GRID2: variants seen among roughly 807,000 people sequenced by gnomAD.
The protein encoded by GRID2 is glutamate receptor ionotropic, delta-2.
GRID2 carries 33 observed loss-of-function variants against 114.8 expected under a neutral mutation model. That is an observed-to-expected ratio of 0.29 (90% CI 0.22 to 0.38). The LOEUF (loss-of-function observed/expected upper bound fraction) is 0.38. GRID2 is among the 10% of genes least tolerant of loss of function. The pLI is 1.00. For missense variants in GRID2, 1,184 were observed against 1,257.7 expected (o/e 0.94, Z 0.89); for synonymous variants, 505 against 449.9 (o/e 1.12, Z -1.55).
chr4:92,500,489 G>GT (rs1723629391), intron 1 of GRID2, among the ~76,000 whole-genome samples: 1 of 152,048 alleles, frequency 6.6e-6, no homozygotes, highest in African/African-American at 2.4e-5. Context: ...TTCCCTTGTT[G>GT]TTTATTCAGG....
intron 2 of GRID2, among the ~76,000 whole-genome samples, chr4:93,035,117 T>C (rs1724809856): frequency 6.6e-6 from 1 of 151,192 alleles, no homozygotes; most frequent in Non-Finnish European, 1.5e-5. Context: ...TTTTTTTTTT[T>C]TTTTCTGAGG....
chr4:92,736,674 T>G (rs1315989331), intron 2 of GRID2, among the ~76,000 whole-genome samples: 1 of 152,120 alleles, frequency 6.6e-6, no homozygotes, highest in Non-Finnish European at 1.5e-5. Context: ...TCTCTCCATC[T>G]TAGACAACAA....
intron 2 of GRID2, among the ~76,000 whole-genome samples, chr4:92,973,598 A>T (rs1313702235): frequency 6.6e-6 from 1 of 152,180 alleles, no homozygotes; most frequent in Non-Finnish European, 1.5e-5. Context: ...GAACAAGTGT[A>T]GGAAGATTAA....
At chr4:93,506,233 G>A (rs1728614197) in intron 12 of GRID2, among the ~76,000 whole-genome samples, 1 of 152,154 alleles carries the variant, frequency 6.6e-6, no homozygotes, top group Non-Finnish European at 1.5e-5. Context: ...GGGTAGGGCT[G>A]ACCCAGAATA....
chr4:92,944,916 T>C (rs1263473263), intron 2 of GRID2, among the ~76,000 whole-genome samples: 1 of 152,214 alleles, frequency 6.6e-6, no homozygotes, highest in Non-Finnish European at 1.5e-5. Context: ...AGAACAGTTA[T>C]GCATGGGATA....
At chr4:92,864,766 A>G (rs574507081) in intron 2 of GRID2, among the ~76,000 whole-genome samples, 2 of 152,332 alleles carry the variant, frequency 1.3e-5, no homozygotes, top group South Asian at 2.1e-4. Flanking sequence ...CAGGGACACC[A>G]TAGACTACTG....
chr4:93,532,381 G>A (rs776010266), intron 13 of GRID2, among the ~76,000 whole-genome samples: 7 of 152,122 alleles, frequency 4.6e-5, no homozygotes, highest in Non-Finnish European at 7.4e-5. Context: ...CCAACAATAT[G>A]CTTTCATTTA....
At chr4:92,806,166 GACAC>G (rs56070810) in intron 2 of GRID2, among the ~76,000 whole-genome samples, 9,928 of 133,180 alleles carry the variant, frequency 0.075, 381 homozygotes, top group East Asian at 0.12. Flanking sequence ...ATAGGCTATC[GACAC>G]ACACACACAC....
At chr4:92,990,828 A>C (rs1484571297) in intron 2 of GRID2, among the ~76,000 whole-genome samples, 1 of 152,166 alleles carries the variant, frequency 6.6e-6, no homozygotes, top group Non-Finnish European at 1.5e-5. Context: ...CACAATTTCC[A>C]TTGCCCTCTA....
intron 1 of GRID2, among the ~76,000 whole-genome samples, chr4:93,789,029 T>C (rs897057939): frequency 1.4e-4 from 22 of 152,286 alleles, no homozygotes; most frequent in African/African-American, 5.3e-4. Context: ...AGAGAAATAA[T>C]CTCTTTTCTC....
At chr4:93,217,127 A>G (rs1472632453) in intron 6 of GRID2, 1 of 377,470 alleles carries the variant, frequency 2.6e-6, no homozygotes, top group Non-Finnish European at 4.8e-6. Context: ...GCTTAATAAA[A>G]AAATATAATA....
At chr4:92,913,034 G>A (rs1748504464) in intron 2 of GRID2, among the ~76,000 whole-genome samples, 1 of 151,570 alleles carries the variant, frequency 6.6e-6, no homozygotes, top group South Asian at 2.1e-4. Flanking sequence ...TTATTAAAGA[G>A]GATAACTTTG....
chr4:93,372,102 A>G (rs1762989100), intron 8 of GRID2, among the ~76,000 whole-genome samples: 2 of 152,182 alleles, frequency 1.3e-5, no homozygotes, highest in African/African-American at 2.4e-5. Context: ...TTTGATGTAG[A>G]TGTAAGAATA....
At chr4:92,568,908 C>A (rs1293063355) in intron 1 of GRID2, among the ~76,000 whole-genome samples, 2 of 152,104 alleles carry the variant, frequency 1.3e-5, no homozygotes, top group African/African-American at 4.8e-5. Flanking sequence ...TGATCTTGTT[C>A]TTTATTATGG....
intron 1 of GRID2, among the ~76,000 whole-genome samples, chr4:92,467,273 G>A (rs946640561): frequency 2.3e-4 from 35 of 152,028 alleles, no homozygotes; most frequent in African/African-American, 7.2e-4. Flanking sequence ...ACTGGGTTAT[G>A]TAGAAGTGTA....
chr4:93,184,233 C>A (rs1285963285), intron 4 of GRID2, among the ~76,000 whole-genome samples: 1 of 151,992 alleles, frequency 6.6e-6, no homozygotes, highest in Admixed American at 6.6e-5. Context: ...CATTTAGTTG[C>A]CAAATAAATG....
chr4:93,453,357 A>AGAGTGT (rs1477147400), intron 10 of GRID2, among the ~76,000 whole-genome samples: 8 of 116,426 alleles, frequency 6.9e-5, no homozygotes, highest in Non-Finnish European at 1.5e-4. Context: ...AGAGAGAGAG[A>AGAGTGT]GAGTGTGTGT....
intron 14 of GRID2, among the ~76,000 whole-genome samples, chr4:93,739,801 C>T (rs1731219792): frequency 6.6e-6 from 1 of 152,176 alleles, no homozygotes; most frequent in Admixed American, 6.5e-5. Flanking sequence ...AAGCTTAGAA[C>T]TCAGCTTCCG....
At chr4:92,391,971 A>C (rs1393167645) in intron 1 of GRID2, among the ~76,000 whole-genome samples, 3 of 152,196 alleles carry the variant, frequency 2.0e-5, no homozygotes, top group East Asian at 1.9e-4. Flanking sequence ...AGGACGTGAC[A>C]GATCTCTGAT....
Sources: allele counts gnomAD v4.1 joint callset (sites outside exome capture counted in the v4.1 genomes callset), GRCh38; gene constraint gnomAD v4.1.1; transcripts MANE v1.5; gene names NCBI Gene and HGNC (gene_info 2026-07-23, HGNC 2026-07-21).